TNR: variants seen among roughly 807,000 people sequenced by gnomAD.
TNR encodes tenascin R.
Under a neutral mutation model 150.4 loss-of-function variants are expected in TNR, and 45 were observed. The observed-to-expected ratio is 0.30, with a 90% CI of 0.24 to 0.38. The LOEUF (loss-of-function observed/expected upper bound fraction) is 0.38. TNR is among the 10% of genes least tolerant of loss of function. The pLI is 1.00. For missense variants in TNR, 1,544 were observed against 1,759.1 expected (o/e 0.88, Z 2.19); for synonymous variants, 687 against 678.4 (o/e 1.01, Z -0.20).
At chr1:175,663,644 G>A (rs977390832) in intron 1 of TNR, among the ~76,000 whole-genome samples, 2 of 151,716 alleles carry the variant, frequency 1.3e-5, no homozygotes, top group African/African-American at 4.9e-5. Context: ...TAAAAGGAGG[G>A]AGGGGGAAGT....
At chr1:175,560,267 T>C (rs1282687595) in intron 1 of TNR, among the ~76,000 whole-genome samples, 2 of 152,220 alleles carry the variant, frequency 1.3e-5, no homozygotes, top group Non-Finnish European at 2.9e-5. Context: ...TGCTATCCCA[T>C]CCATGAACTC....
chr1:175,456,308 C>A (rs1656570844), intron 2 of TNR, among the ~76,000 whole-genome samples: 1 of 152,204 alleles, frequency 6.6e-6, no homozygotes, highest in Non-Finnish European at 1.5e-5. Context: ...AAAGCGGACT[C>A]TTCCCATAGT....
At chr1:175,732,362 G>A (rs1452457909) in intron 1 of TNR, among the ~76,000 whole-genome samples, 1 of 152,180 alleles carries the variant, frequency 6.6e-6, no homozygotes, top group Non-Finnish European at 1.5e-5. Context: ...AGGCTTTTGT[G>A]GATAGATGAG....
intron 2 of TNR, among the ~76,000 whole-genome samples, chr1:175,526,022 T>TA (rs953113798): frequency 1.3e-5 from 2 of 151,938 alleles, no homozygotes; most frequent in African/African-American, 4.8e-5. Context: ...TTTTTTTTTT[T>TA]AAATTCCCCT....
chr1:175,552,897 A>T (rs548110173), intron 1 of TNR, among the ~76,000 whole-genome samples: 1 of 152,320 alleles, frequency 6.6e-6, no homozygotes, highest in East Asian at 1.9e-4. Context: ...ATAAACCGTG[A>T]GTATAGTGTT....
chr1:175,664,354 G>A (rs140403568), intron 1 of TNR, among the ~76,000 whole-genome samples: 2 of 152,314 alleles, frequency 1.3e-5, no homozygotes, highest in African/African-American at 4.8e-5. Context: ...GAGTAGAGGG[G>A]CCTCTTGCCA....
chr1:175,381,238 G>A (rs913126899), intron 8 of TNR, among the ~76,000 whole-genome samples: 4 of 152,200 alleles, frequency 2.6e-5, no homozygotes, highest in African/African-American at 9.7e-5. Context: ...AGGAGAAGCT[G>A]GGCAAAGGGA....
chr1:175,334,246 C>T (rs2101989342), intron 20 of TNR, among the ~76,000 whole-genome samples: 1 of 152,306 alleles, frequency 6.6e-6, no homozygotes, highest in Non-Finnish European at 1.5e-5. Flanking sequence ...TGGCTGCCCT[C>T]CTCACTCATT....
intron 18 of TNR, among the ~76,000 whole-genome samples, chr1:175,341,533 C>T (rs1302964086): frequency 6.6e-6 from 1 of 152,172 alleles, no homozygotes; most frequent in Non-Finnish European, 1.5e-5. Context: ...AGGCTGAATG[C>T]TGAGTGGAGT....
chr1:175,558,736 T>C (rs950361997), intron 1 of TNR, among the ~76,000 whole-genome samples: 1 of 152,232 alleles, frequency 6.6e-6, no homozygotes, highest in African/African-American at 2.4e-5. Context: ...TTTCCTTCTT[T>C]ATTATAATTT....
At position 175,627,977 on chromosome 1, in the gene TNR, C is replaced by G. The variant is rs138866331; in HGVS notation, c.-164-99608G>C. On this transcript the variant is annotated intron_variant, in intron 1 of 22. Coordinates refer to ENST00000367674, the MANE Select transcript of TNR (RefSeq NM_003285.3). ...CGATAGTCAGAATGAGCCAGGACCA[C>G]TGGGAGAAACACCTCCAAATTATAG... is the stretch of plus-strand genomic sequence containing the variant. Among the ~76,000 whole-genome samples the G allele has an allele frequency of 5.8e-4, 89 of 152,318 alleles. 1 individual carries two copies. Among genetic ancestry groups the G allele is most frequent in the African/African-American group, 2.0e-3 (82 of 41,576 alleles).
At chr1:175,695,106 A>C (rs1204190309) in intron 1 of TNR, among the ~76,000 whole-genome samples, 1 of 152,220 alleles carries the variant, frequency 6.6e-6, no homozygotes, top group Non-Finnish European at 1.5e-5. Flanking sequence ...CCCTCTAAGA[A>C]GTAGAACATG....
chr1:175,715,091 A>T (rs1290259228), intron 1 of TNR, among the ~76,000 whole-genome samples: 1 of 152,178 alleles, frequency 6.6e-6, no homozygotes, highest in African/African-American at 2.4e-5. Context: ...CAGACACATA[A>T]AAGCTCAAGC....
chr1:175,709,597 C>A (rs748585021), intron 1 of TNR, among the ~76,000 whole-genome samples: 1 of 152,200 alleles, frequency 6.6e-6, no homozygotes, highest in Non-Finnish European at 1.5e-5. Flanking sequence ...TATGCAGACA[C>A]ATTAGTTAGC....
chr1:175,564,897 C>A (rs969501777), intron 1 of TNR, among the ~76,000 whole-genome samples: 31 of 152,342 alleles, frequency 2.0e-4, no homozygotes, highest in African/African-American at 7.0e-4. Flanking sequence ...CTTCAGCTTT[C>A]TACCTGCACC....
chr1:175,546,755 C>T (rs562342196), intron 1 of TNR, among the ~76,000 whole-genome samples: 2 of 152,226 alleles, frequency 1.3e-5, no homozygotes, highest in Admixed American at 6.5e-5. Flanking sequence ...TTCCTCTGGC[C>T]TCTTCAGAAG....
chr1:175,547,593 GAAAGAAAGAAAGAAAGAAAC>G (rs1157891906), intron 1 of TNR, among the ~76,000 whole-genome samples: 344 of 26,488 alleles, frequency 0.013, no homozygotes, highest in Middle Eastern at 0.023. Flanking sequence ...AAGAAAGAAA[GAAAGAAAGAAAGAAAGAAAC>G]AAAGAAACAA....
intron 1 of TNR, among the ~76,000 whole-genome samples, chr1:175,638,908 T>C (rs2101879392): frequency 6.6e-6 from 1 of 152,322 alleles, no homozygotes; most frequent in Admixed American, 6.5e-5. Flanking sequence ...AGAACTTTAT[T>C]AAATGAAATA....
intron 2 of TNR, among the ~76,000 whole-genome samples, chr1:175,525,838 A>G (rs953139749): frequency 6.6e-6 from 1 of 152,226 alleles, no homozygotes; most frequent in Non-Finnish European, 1.5e-5. Flanking sequence ...TTTCATGACC[A>G]CCCATATACA....
Sources: gnomAD v4.1 joint callset for allele counts (sites outside exome capture counted in the v4.1 genomes callset) on GRCh38, gnomAD v4.1.1 for gene constraint, MANE v1.5 for transcripts, NCBI Gene and HGNC (gene_info 2026-07-23, HGNC 2026-07-21) for gene names.